Variants in RAD54L2 observed in about 807,000 individuals in gnomAD.
RAD54L2 encodes the protein RAD54 like 2.
Under a neutral mutation model 138.4 loss-of-function variants are expected in RAD54L2, and 27 were observed. That is an observed-to-expected ratio of 0.20 (90% CI 0.14 to 0.27). The LOEUF (loss-of-function observed/expected upper bound fraction) is 0.27, where lower values mean the gene tolerates loss of function less well. Ranked by LOEUF, RAD54L2 falls within the 10% of genes least tolerant of loss-of-function variation. The pLI is 1.00. For synonymous variants in RAD54L2, 644 were observed against 723.2 expected (o/e 0.89, Z 1.76); for missense variants, 1,396 against 1,890.2 (o/e 0.74, Z 4.85).
At chr3:51,552,115 A>G (rs1025524255) in intron 2 of RAD54L2, among the ~76,000 whole-genome samples, 33 of 152,186 alleles carry the variant, frequency 2.2e-4, no homozygotes, top group African/African-American at 6.5e-4. Flanking sequence ...CTACTTATAG[A>G]AATGTATGCA....
chr3:51,589,880 G>C (rs1432218774), intron 2 of RAD54L2, among the ~76,000 whole-genome samples: 2 of 152,148 alleles, frequency 1.3e-5, no homozygotes, highest in East Asian at 3.8e-4. Context: ...GAGCTATGCA[G>C]AGTCACTAAA....
Position 51,662,643 on chromosome 3 carries a change from T to G in RAD54L2, c.3627T>G (p.Leu1209=). 1 of 1,612,952 alleles carries G rather than the reference T, an allele frequency of 6.2e-7. No individual in the cohort carries two copies. The highest frequency in any genetic ancestry group is 1.3e-5 in the African/African-American group (1 of 74,976). Residue 1209 remains leucine, a synonymous_variant, in exon 23 of 23, where the codon CTT becomes CTG. Transcript: ENST00000684192. The surrounding 1 kb of genome is among the most constrained non-coding windows in gnomAD (Gnocchi z 4.6). ...NAALPGPPAQ[L]MDSSAVPGTA... is the part of the protein sequence containing the mutation. ...CCCTGCCTGGCCCCCCGGCCCAACT[T>G]ATGGACAGCAGTGCTGTTCCCGGGA...
At chr3:51,583,797 G>A (rs1172617619) in intron 2 of RAD54L2, among the ~76,000 whole-genome samples, 4 of 149,868 alleles carry the variant, frequency 2.7e-5, no homozygotes, top group African/African-American at 9.8e-5. Context: ...GAATTTTTTT[G>A]TACTTTATTA....
chr3:51,662,573 C>A lies in RAD54L2; in HGVS notation c.3557C>A (p.Ala1186Asp). The A allele has an allele frequency of 6.2e-7, 1 of 1,613,796 alleles. No homozygotes were observed. Among genetic ancestry groups the A allele is most frequent in the Non-Finnish European group, 8.5e-7 (1 of 1,179,830 alleles). Reference protein sequence around the residue: ...ISELQQYADVAAARESRQSSP... With the variant: ...ISELQQYADVDAARESRQSSP... ...GAGCTTCAGCAGTATGCAGATGTGGCTGCTGCCCGGGAATCCCGTCAGAGC... is the reference window on the plus strand; with the variant it reads ...GAGCTTCAGCAGTATGCAGATGTGGATGCTGCCCGGGAATCCCGTCAGAGC... The change falls in exon 23 of 23, where the codon GCT becomes GAT. Residue 1186 changes from alanine to aspartate, a missense_variant. This residue lies in a region of RAD54L2 where 634 missense variants were observed against 711.2 expected (regional missense o/e 0.89). Transcript: ENST00000684192. The surrounding 1 kb of genome is among the most constrained non-coding windows in gnomAD (Gnocchi z 4.6).
chr3:51,595,091 C>T (rs1201598995), intron 3 of RAD54L2, among the ~76,000 whole-genome samples: 5 of 151,976 alleles, frequency 3.3e-5, no homozygotes, highest in Admixed American at 2.0e-4. Flanking sequence ...GTCTCAAACA[C>T]ATGAACTCAA....
Position 51,662,794 on chromosome 3 carries a change from A to G in RAD54L2, c.3778A>G (p.Thr1260Ala). 6.2e-7 allele frequency: 1 copy of G among 1,610,960 alleles called. No homozygotes were observed. The highest frequency in any genetic ancestry group is 8.5e-7 in the Non-Finnish European group (1 of 1,178,632). ...AAGGGGCCACAAGCGAAAGTTGGCC[A>G]CACCACCTGCTGCCCAGGAGTCATC... is the stretch of plus-strand genomic sequence containing the variant. ...DLRGHKRKLA[T>A]PPAAQESSRR... is the part of the protein sequence containing the mutation. Residue 1260 changes from threonine (T) to alanine (A), a missense_variant, in exon 23 of 23, where the codon ACA (threonine) becomes GCA (alanine). Physicochemically the swap from Thr to Ala is moderately conservative, Grantham distance 58. Coordinates refer to ENST00000684192, the MANE Select transcript of RAD54L2 (RefSeq NM_015106.4). This position sits in a 1 kb window ranked among gnomAD's most constrained non-coding sequence, Gnocchi z 4.6.
At chr3:51,659,287 A>G (rs1341398221) in intron 21 of RAD54L2, among the ~76,000 whole-genome samples, 2 of 151,556 alleles carry the variant, frequency 1.3e-5, no homozygotes, top group Non-Finnish European at 2.9e-5. Flanking sequence ...TTGTATTTTT[A>G]GTAGAGATGG....
intron 15 of RAD54L2, 62 bp from the exon 16 acceptor site, chr3:51,643,813 T>C: frequency 7.9e-7 from 1 of 1,272,006 alleles, no homozygotes; most frequent in Non-Finnish European, 1.1e-6. Context: ...ATTTGCCCAG[T>C]GATTTTGCTG....
intron 16 of RAD54L2, 132 bp downstream of exon 16, chr3:51,644,106 A>C (rs895731969): frequency 1.4e-6 from 1 of 694,764 alleles, no homozygotes; most frequent in Non-Finnish European, 2.4e-6. Context: ...GGGGTCAGAG[A>C]GGGAACTTCA....
chr3:51,551,978 T>C (rs1005721537), intron 2 of RAD54L2, among the ~76,000 whole-genome samples: 1 of 151,738 alleles, frequency 6.6e-6, no homozygotes, highest in African/African-American at 2.4e-5. Flanking sequence ...TCTCAATCTC[T>C]TGACCTCGTG....
chr3:51,628,370 G>GTTTCT (rs1700743252), intron 4 of RAD54L2, among the ~76,000 whole-genome samples: 1 of 151,248 alleles, frequency 6.6e-6, no homozygotes, highest in Non-Finnish European at 1.5e-5. Context: ...TGTAACCCTA[G>GTTTCT]TTTCTTTTCT....
At chr3:51,634,877 G>C (rs1050039196) in intron 9 of RAD54L2, among the ~76,000 whole-genome samples, 3 of 152,154 alleles carry the variant, frequency 2.0e-5, no homozygotes, top group African/African-American at 7.2e-5. Flanking sequence ...AAAGTCTAAA[G>C]CTATTTCTTG....
chr3:51,582,057 C>T (rs996877451), intron 2 of RAD54L2, among the ~76,000 whole-genome samples: 3 of 151,950 alleles, frequency 2.0e-5, no homozygotes, highest in African/African-American at 7.2e-5. Flanking sequence ...TAGGTGGGCA[C>T]TAGCATGCTG....
chr3:51,568,320 T>C (rs1699261979), intron 2 of RAD54L2, among the ~76,000 whole-genome samples: 1 of 152,144 alleles, frequency 6.6e-6, no homozygotes, highest in Non-Finnish European at 1.5e-5. Context: ...TGTCATTCAC[T>C]CCTCTTCCCT....
At chr3:51,608,139 C>G (rs1357324776) in intron 3 of RAD54L2, among the ~76,000 whole-genome samples, 1 of 149,642 alleles carries the variant, frequency 6.7e-6, no homozygotes, top group Non-Finnish European at 1.5e-5. Context: ...CGCTCCTCAC[C>G]TCCCAGACGA....
At chr3:51,589,660 C>G (rs1699793017) in intron 2 of RAD54L2, among the ~76,000 whole-genome samples, 2 of 133,524 alleles carry the variant, frequency 1.5e-5, no homozygotes, top group Non-Finnish European at 3.1e-5. Context: ...GTTGGGGACT[C>G]TATACATATA....
At chr3:51,555,917 A>G (rs1698952110) in intron 2 of RAD54L2, among the ~76,000 whole-genome samples, 1 of 152,208 alleles carries the variant, frequency 6.6e-6, no homozygotes, top group South Asian at 2.1e-4. Context: ...CTGTGATATT[A>G]CACAGCCCCT....
intron 2 of RAD54L2, among the ~76,000 whole-genome samples, chr3:51,554,851 C>CT (rs1320999709): frequency 5.3e-5 from 8 of 151,090 alleles, no homozygotes; most frequent in South Asian, 2.1e-4. Context: ...CTTTTCTTTT[C>CT]TTTTTTTTTG....
intron 3 of RAD54L2, among the ~76,000 whole-genome samples, chr3:51,607,890 C>T (rs1700232795): frequency 7.0e-6 from 1 of 143,708 alleles, no homozygotes; most frequent in Non-Finnish European, 1.5e-5. Context: ...GCGGGGGCTG[C>T]CCCCCACCTC....
Sources: allele counts gnomAD v4.1 joint callset (sites outside exome capture counted in the v4.1 genomes callset), GRCh38; gene constraint gnomAD v4.1.1; regional missense constraint gnomAD v4.1.1; non-coding constraint Gnocchi (gnomAD v3.1); transcripts MANE v1.5; gene names NCBI Gene and HGNC (gene_info 2026-07-23, HGNC 2026-07-21).